Variants in HELB observed in about 807,000 individuals in gnomAD.
HELB encodes the protein DNA 5'-3' helicase B.
In HELB, 96 loss-of-function variants were observed where a neutral mutation model predicts 101.7. The ratio of observed to expected loss-of-function variants is 0.94; its 90% CI spans 0.80 to 1.12. The LOEUF (loss-of-function observed/expected upper bound fraction) is 1.12, where lower values mean the gene tolerates loss of function less well. Among genes scored for constraint, HELB ranks in the 50% most tolerant of loss-of-function variants. HELB has a pLI of 0.00. For synonymous variants in HELB, 437 were observed against 459.7 expected, an observed-to-expected ratio of 0.95 and a Z score of 0.63; for missense variants, 1,210 against 1,291.9, an observed-to-expected ratio of 0.94 and a Z score of 0.97.
At position 66,331,255 on chromosome 12, in the gene HELB, T is replaced by C; in HGVS notation, c.2772T>C (p.Tyr924=). 1 of 1,614,200 alleles carries C rather than the reference T, an allele frequency of 6.2e-7. No individual in the cohort carries two copies. Among genetic ancestry groups the C allele is most frequent in the Non-Finnish European group, 8.5e-7 (1 of 1,180,036 alleles). Residue 924 remains tyrosine, a synonymous_variant, in exon 12 of 13, where the codon TAT becomes TAC. Transcript: ENST00000247815. ...TAVTRGRCRV[Y]VIAEESQLRN... ...TGACCAGGGGCCGCTGCCGAGTGTA[T>C]GTGATTGCAGAGGAGTCTCAGCTCC... is the stretch of plus-strand genomic sequence containing the variant.
intron 7 of HELB, chr12:66,321,668 G>C: frequency 3.1e-6 from 1 of 324,680 alleles, no homozygotes; most frequent in Non-Finnish European, 5.8e-6. Flanking sequence ...TAAACCATCA[G>C]CAAATACACA....
rs184579536 is a variant in HELB, at chr12:66,316,619, C to T, written c.2000+1236C>T. Among the ~76,000 whole-genome samples, 50 of 151,020 alleles carry T rather than the reference C, an allele frequency of 3.3e-4. No individual in the cohort carries two copies. The East Asian group carries it at 9.7e-3, about 29-fold the overall frequency. ...TAATAATAAGCCAGGTGTGGTGGCTCATGCCTGTAATCCCAGCACTTTGGG... is the reference window on the plus strand; with the variant it reads ...TAATAATAAGCCAGGTGTGGTGGCTTATGCCTGTAATCCCAGCACTTTGGG... On this transcript the variant is annotated intron_variant, in intron 6 of 12. Transcript: ENST00000247815.
At chr12:66,311,702 A>C (rs2053546946) in intron 4 of HELB, among the ~76,000 whole-genome samples, 1 of 152,232 alleles carries the variant, frequency 6.6e-6, no homozygotes, top group Non-Finnish European at 1.5e-5. Context: ...TGCCAGACAA[A>C]TAGTAGTTAC....
downstream of HELB, chr12:66,340,774 ATGTAGGCTGGGAGCCTAGGCCAGTC>A (rs1459208866): frequency 6.5e-6 from 1 of 153,420 alleles, no homozygotes; most frequent in Non-Finnish European, 1.4e-5. Flanking sequence ...CAGGAGAAGG[ATGTAGGCTGGGAGCCTAGGCCAGTC>A]TCGCCTTTTC....
chr12:66,321,917 C>T, intron 7 of HELB, 31 bp from the exon 8 acceptor site: 2 of 801,132 alleles, frequency 2.5e-6, no homozygotes, highest in South Asian at 1.5e-5. Flanking sequence ...TGGTGATTTG[C>T]TGTGTTAACT....
chr12:66,303,063 G>T (rs1400517918), intron 1 of HELB, among the ~76,000 whole-genome samples: 1 of 149,594 alleles, frequency 6.7e-6, no homozygotes, highest in Non-Finnish European at 1.5e-5. Context: ...CTACAGTGTG[G>T]AAGGGGACCC....
At chr12:66,342,179 G>T (rs944354909), downstream of HELB, 3 of 151,972 alleles carry the variant, frequency 2.0e-5, no homozygotes, top group African/African-American at 7.3e-5. Flanking sequence ...GTTAATTTTT[G>T]TATATGGTGT....
intron 9 of HELB, among the ~76,000 whole-genome samples, 191 bp from the exon 10 acceptor site, chr12:66,323,792 G>T (rs2053701629): frequency 6.6e-6 from 1 of 152,212 alleles, no homozygotes; most frequent in Non-Finnish European, 1.5e-5. Flanking sequence ...GTTGCAGGGA[G>T]TATGTATAAA....
At chr12:66,325,918 G>A (rs998232437) in intron 11 of HELB, among the ~76,000 whole-genome samples, 1 of 152,114 alleles carries the variant, frequency 6.6e-6, no homozygotes, top group Non-Finnish European at 1.5e-5. Flanking sequence ...GAGTTGGAAT[G>A]ATACTACAGA....
chr12:66,313,542 G>A (rs2053567024), intron 4 of HELB, among the ~76,000 whole-genome samples: 1 of 152,074 alleles, frequency 6.6e-6, no homozygotes, highest in African/African-American at 2.4e-5. Flanking sequence ...TGGGGGTGGT[G>A]CGGTGGTAGT....
Position 66,306,336 on chromosome 12 carries a change from A to G in HELB, c.608-9A>G, listed in dbSNP as rs763812673. 6.4e-7 allele frequency: 1 copy of G among 1,551,098 alleles called. No homozygotes were observed. Among genetic ancestry groups the G allele is most frequent in the Non-Finnish European group, 8.7e-7 (1 of 1,150,086 alleles). On this transcript the variant is annotated splice_polypyrimidine_tract_variant and intron_variant, in intron 2 of 12. Coordinates refer to ENST00000247815, the MANE Select transcript of HELB (RefSeq NM_001370285.1). ...ATGTTTTACTTTGTTCCTTTCTGAT[A>G]TCTTGTAGTTCCATTTAGAAATGTA...
intron 4 of HELB, among the ~76,000 whole-genome samples, chr12:66,311,371 A>G (rs1360972171): frequency 6.6e-6 from 1 of 152,064 alleles, no homozygotes; most frequent in Non-Finnish European, 1.5e-5. Context: ...CAGAGGTGAG[A>G]GGATTGTTTG....
Position 66,304,776 on chromosome 12 carries a change from G to C in HELB, c.233G>C (p.Gly78Ala), listed in dbSNP as rs1408195569. 1 of 1,613,836 alleles carries C rather than the reference G, an allele frequency of 6.2e-7. No individual in the cohort carries two copies. The highest frequency in any genetic ancestry group is 2.2e-5 in the East Asian group (1 of 44,888). ...ENTQETCKVFGRFPITGAWWR... is the reference protein window; with the variant it reads ...ENTQETCKVFARFPITGAWWR... Reference sequence around the variant, plus strand: ...ACACAAGAGACATGTAAAGTGTTTGGACGTTTTCCGATAACAGGTGCTTGG... The same window carrying C: ...ACACAAGAGACATGTAAAGTGTTTGCACGTTTTCCGATAACAGGTGCTTGG... Residue 78 changes from glycine (G) to alanine (A), a missense_variant, in exon 2 of 13, where the codon GGA becomes GCA. Physicochemically the swap from Gly to Ala is moderately conservative, Grantham distance 60 (BLOSUM62 0). This residue lies in a region of HELB where 470 missense variants were observed against 563.1 expected (regional missense o/e 0.83). Transcript: ENST00000247815.
intron 5 of HELB, among the ~76,000 whole-genome samples, chr12:66,314,918 G>A (rs1047357421): frequency 6.6e-6 from 1 of 151,172 alleles, no homozygotes; most frequent in Non-Finnish European, 1.5e-5. Flanking sequence ...TCTATTTGAG[G>A]CTGTAGATTC....
chr12:66,328,967 C>G (rs556376109), intron 11 of HELB, among the ~76,000 whole-genome samples: 79 of 152,218 alleles, frequency 5.2e-4, no homozygotes, highest in Non-Finnish European at 9.4e-4. Flanking sequence ...ATTTTAAGGA[C>G]TTTGGCTTTT....
chr12:66,327,506 G>T (rs993506526), intron 11 of HELB, among the ~76,000 whole-genome samples: 2 of 152,022 alleles, frequency 1.3e-5, no homozygotes, highest in Non-Finnish European at 2.9e-5. Context: ...TAATAAGAAC[G>T]AATGAAGAGT....
chr12:66,303,086 CTTTT>C lies in HELB; in HGVS notation c.187+314_187+317del, dbSNP rs74262414. On this transcript the variant is annotated intron_variant, in intron 1 of 12. Transcript: ENST00000247815. ...TGGAAGGGGACCCGAGCGGGTTGCC[CTTTT>C]TTTTTTTTTTTTTTTTTAAAATTAT... 9.1e-3 allele frequency among the ~76,000 whole-genome samples: 1,147 copies of C among 125,604 alleles called. 13 individuals are homozygous for C. The highest frequency in any genetic ancestry group is 0.029 in the African/African-American group (977 of 33,634). The allele number at this position is 125,604 out of a possible 152,430, so 82.4% of individuals were successfully genotyped here.
rs1277484971 is a variant in HELB at position 66,331,501 on chromosome 12, T to G, written c.3018T>G (p.Pro1006=). The G allele has an allele frequency of 1.9e-6, 3 of 1,614,056 alleles. No individual in the cohort carries two copies. In the African/African-American group the frequency reaches 4.0e-5, roughly 22 times the overall value. The change falls in exon 12 of 13, where the codon CCT becomes CCG. Residue 1006 remains proline (P), a synonymous_variant. Transcript: ENST00000247815. Reference sequence around the variant, plus strand: ...TCACCTGGAGCGAGGCCTCTTCGCCTGATGAGAGGACACTCACCTTTGCTG... The same window carrying G: ...TCACCTGGAGCGAGGCCTCTTCGCCGGATGAGAGGACACTCACCTTTGCTG... The part of the protein sequence containing the change: ...NDVTWSEASS[P]DERTLTFAER...
At chr12:66,307,387 T>C (rs1442928032) in intron 3 of HELB, among the ~76,000 whole-genome samples, 2 of 152,156 alleles carry the variant, frequency 1.3e-5, no homozygotes, top group Non-Finnish European at 2.9e-5. Context: ...AAAAAAACCC[T>C]GTAAAATCCA....
Sources: gnomAD v4.1 joint callset for allele counts (sites outside exome capture counted in the v4.1 genomes callset) on GRCh38, gnomAD v4.1.1 for gene constraint, gnomAD v4.1.1 regional missense constraint, MANE v1.5 for transcripts, NCBI Gene and HGNC (gene_info 2026-07-23, HGNC 2026-07-21) for gene names.